PDE4D: variants seen among roughly 807,000 people sequenced by gnomAD.
The protein encoded by PDE4D is 3',5'-cyclic-AMP phosphodiesterase 4D.
In PDE4D, 24 loss-of-function variants were observed where a neutral mutation model predicts 87.4. That is an observed-to-expected ratio of 0.27 (90% CI 0.20 to 0.39). The LOEUF is 0.39. Ranked by LOEUF, PDE4D falls within the 10% of genes least tolerant of loss-of-function variation. PDE4D has a pLI of 1.00. For synonymous variants in PDE4D, 384 were observed against 383.2 expected (o/e 1.00, Z -0.02); for missense variants, 714 against 1,041.0 (o/e 0.69, Z 4.32).
intron 5 of PDE4D, among the ~76,000 whole-genome samples, chr5:59,143,041 T>C (rs748937702): frequency 4.6e-5 from 7 of 152,226 alleles, no homozygotes; most frequent in Non-Finnish European, 7.3e-5. Context: ...CATTTATTAA[T>C]AGAGATTCTA....
chr5:59,210,755 C>A (rs1749894665), intron 2 of PDE4D, among the ~76,000 whole-genome samples: 2 of 152,094 alleles, frequency 1.3e-5, no homozygotes, highest in South Asian at 4.1e-4. Context: ...ATCATCTTTG[C>A]ATTCTATGTG....
chr5:59,084,238 T>G (rs1298571662), intron 5 of PDE4D, among the ~76,000 whole-genome samples: 1 of 152,032 alleles, frequency 6.6e-6, no homozygotes, highest in African/African-American at 2.4e-5. Context: ...TAATAGATTA[T>G]GTAATACCTA....
chr5:59,403,704 G>A (rs767556126), intron 1 of PDE4D, among the ~76,000 whole-genome samples: 26 of 151,976 alleles, frequency 1.7e-4, no homozygotes, highest in African/African-American at 4.4e-4. Context: ...TTATTCATTC[G>A]TCTATTGAGG....
chr5:59,537,260 A>G (rs760485522), intron 1 of PDE4D, among the ~76,000 whole-genome samples: 3 of 152,238 alleles, frequency 2.0e-5, no homozygotes, highest in Non-Finnish European at 4.4e-5. Context: ...TGTAGTCTAC[A>G]TTATGTATGA....
chr5:60,020,995 C>A (rs988637251), intron 2 of PDE4D, among the ~76,000 whole-genome samples: 5 of 152,068 alleles, frequency 3.3e-5, no homozygotes, highest in African/African-American at 1.2e-4. Flanking sequence ...TTATTCAAAC[C>A]AATCATTTGG....
chr5:59,775,254 G>A (rs940948736), intron 1 of PDE4D, among the ~76,000 whole-genome samples: 1 of 152,098 alleles, frequency 6.6e-6, no homozygotes, highest in East Asian at 1.9e-4. Flanking sequence ...TTTTATTTCA[G>A]TGAGAGGAAT....
At chr5:60,475,344 C>G (rs1046466654) in intron 1 of PDE4D, among the ~76,000 whole-genome samples, 23 of 152,214 alleles carry the variant, frequency 1.5e-4, no homozygotes, top group Non-Finnish European at 2.4e-4. Context: ...CATCCTACAA[C>G]TGGAGCTTAG....
In PDE4D at chr5:60,371,475, C is replaced by T. The variant is rs114524846; in HGVS notation, c.-90+116467G>A. Among the ~76,000 whole-genome samples the T allele has an allele frequency of 1.0e-3, 158 of 152,342 alleles. 1 individual carries two copies. The highest frequency in any genetic ancestry group is 3.8e-3 in the African/African-American group (157 of 41,572). On this transcript the variant is annotated intron_variant, in intron 1 of 16. Transcript: ENST00000502484. ...TAGCTGCACTTGTCAACAATTTCAA[C>T]ACTGCCCTGTCACAATCCTAGACTC...
chr5:59,807,736 C>G (rs1210744333), intron 1 of PDE4D, among the ~76,000 whole-genome samples: 3 of 152,216 alleles, frequency 2.0e-5, no homozygotes, highest in African/African-American at 7.2e-5. Flanking sequence ...TCTTCCAGGT[C>G]TCTGTATAGG....
intron 2 of PDE4D, among the ~76,000 whole-genome samples, chr5:60,048,568 C>CA (rs1349027149): frequency 6.6e-6 from 1 of 151,954 alleles, no homozygotes; most frequent in Non-Finnish European, 1.5e-5. Context: ...CTGGTGGTGA[C>CA]AAAATCTCTC....
chr5:60,399,393 A>G (rs2150042736), intron 1 of PDE4D, among the ~76,000 whole-genome samples: 1 of 152,366 alleles, frequency 6.6e-6, no homozygotes, highest in South Asian at 2.1e-4. Flanking sequence ...TGAGTTGATT[A>G]TGTATTGTCA....
chr5:59,871,314 T>C (rs185830322), intron 1 of PDE4D, among the ~76,000 whole-genome samples: 1 of 152,070 alleles, frequency 6.6e-6, no homozygotes, highest in Non-Finnish European at 1.5e-5. Flanking sequence ...GGTTAAGAAA[T>C]TGATTCTGCC....
At chr5:59,252,177 A>G (rs1760089925) in intron 1 of PDE4D, among the ~76,000 whole-genome samples, 1 of 152,150 alleles carries the variant, frequency 6.6e-6, no homozygotes, top group Non-Finnish European at 1.5e-5. Context: ...CCTAAAATAA[A>G]AATTAAAAAA....
Position 59,447,605 on chromosome 5 carries a change from C to T in PDE4D, c.456-231637G>A, listed in dbSNP as rs145584306. ...AAGAAGAAAAGGAATAGTAATTCAT[C>T]GGAATGAGGAAGTAACATTAGATAT... On this transcript the variant is annotated intron_variant, in intron 1 of 14. Transcript: ENST00000340635. 2.4e-3 allele frequency among the ~76,000 whole-genome samples: 373 copies of T among 152,256 alleles called. 2 individuals carry two copies. Among genetic ancestry groups the T allele is most frequent in the African/African-American group, 8.6e-3 (359 of 41,536 alleles).
Position 59,933,793 on chromosome 5 carries a change from A to ATATATATATATATATATATAT in PDE4D, c.272+54694_272+54695insATATATATATATATATATATA, listed in dbSNP as rs1343398649. Among the ~76,000 whole-genome samples the ATATATATATATATATATATAT allele has an allele frequency of 6.0e-3, 213 of 35,440 alleles. 4 individuals carry two copies. The highest frequency in any genetic ancestry group is 0.032 in the African/African-American group (197 of 6,202). The allele number at this position is 35,440 out of a possible 152,430, so 23.3% of individuals were successfully genotyped here. A position where few individuals can be genotyped will look rare whatever the true frequency, so the allele number is the denominator to read the frequency against. ...GGAGATATATATATATATATATATT[A>ATATATATATATATATATATAT]ATAAGCATTCATATAAAAGATAATA... On this transcript the variant is annotated intron_variant, in intron 3 of 16. Transcript: ENST00000502484.
intron 3 of PDE4D, among the ~76,000 whole-genome samples, chr5:59,185,647 C>A (rs181280208): frequency 1.3e-5 from 2 of 152,072 alleles, no homozygotes; most frequent in Non-Finnish European, 2.9e-5. Flanking sequence ...TTCCCTACTC[C>A]CAAATCTCTT....
At chr5:59,056,351 G>A (rs1225054886) in intron 5 of PDE4D, among the ~76,000 whole-genome samples, 2 of 152,076 alleles carry the variant, frequency 1.3e-5, no homozygotes, top group Middle Eastern at 3.2e-3. Context: ...CGAAAGAAGG[G>A]GCTTGAGTGT....
intron 1 of PDE4D, among the ~76,000 whole-genome samples, chr5:59,535,323 A>C (rs995642801): frequency 1.3e-5 from 2 of 152,204 alleles, no homozygotes; most frequent in Non-Finnish European, 2.9e-5. Flanking sequence ...TGTCTGGCCC[A>C]GGCATCAGAT....
intron 1 of PDE4D, among the ~76,000 whole-genome samples, chr5:59,752,697 T>C (rs1760652898): frequency 6.6e-6 from 1 of 152,186 alleles, no homozygotes; most frequent in Non-Finnish European, 1.5e-5. Context: ...AGGGATGTTC[T>C]TAACCTCCTA....
Sources: gnomAD v4.1 joint callset for allele counts (sites outside exome capture counted in the v4.1 genomes callset) on GRCh38, gnomAD v4.1.1 for gene constraint, MANE v1.5 for transcripts, NCBI Gene and HGNC (gene_info 2026-07-23, HGNC 2026-07-21) for gene names.